The following SHANK2 variants were observed in gnomAD, a reference collection of about 807,000 sequenced individuals.
SHANK2 encodes SH3 and multiple ankyrin repeat domains 2, also known as SH3 and multiple ankyrin repeat domains protein 2.
In SHANK2, 43 loss-of-function variants were observed where a neutral mutation model predicts 133.7. The ratio of observed to expected loss-of-function variants is 0.32; its 90% CI spans 0.25 to 0.41. The LOEUF is 0.41. SHANK2 is among the 10% of genes least tolerant of loss of function. The pLI is 1.00. For missense variants in SHANK2, 1,994 were observed against 2,235.8 expected, an observed-to-expected ratio of 0.89 and a Z score of 2.18; for synonymous variants, 1,017 against 952.8, an observed-to-expected ratio of 1.07 and a Z score of -1.24.
At chr11:70,612,622 G>A (rs903224067) in intron 17 of SHANK2, among the ~76,000 whole-genome samples, 1 of 152,160 alleles carries the variant, frequency 6.6e-6, no homozygotes, top group Admixed American at 6.5e-5. Flanking sequence ...AACGCTCAAC[G>A]CTCCAGAAGC....
intron 15 of SHANK2, among the ~76,000 whole-genome samples, chr11:70,696,613 AGGT>A (rs1945397285): frequency 6.6e-6 from 1 of 152,200 alleles, no homozygotes. Flanking sequence ...TTGGGCTTCA[AGGT>A]CACAAAGTGG....
intron 2 of SHANK2, among the ~76,000 whole-genome samples, chr11:71,193,169 A>C (rs1229917856): frequency 6.6e-6 from 1 of 152,162 alleles, no homozygotes; most frequent in Non-Finnish European, 1.5e-5. Flanking sequence ...AATCATACTA[A>C]TAAATCAACT....
chr11:71,197,767 C>T (rs1555116432), intron 2 of SHANK2, among the ~76,000 whole-genome samples: 1 of 152,244 alleles, frequency 6.6e-6, no homozygotes, highest in Admixed American at 6.5e-5. Context: ...TCTCCTGTCT[C>T]AGCCTCCCAA....
chr11:71,084,817 T>C (rs2136016457), intron 8 of SHANK2, among the ~76,000 whole-genome samples: 1 of 152,276 alleles, frequency 6.6e-6, no homozygotes, highest in South Asian at 2.1e-4. Context: ...TCCGTGGCCT[T>C]GGGCAAGTTA....
At chr11:71,160,248 G>A (rs1952987387) in intron 2 of SHANK2, among the ~76,000 whole-genome samples, 2 of 152,106 alleles carry the variant, frequency 1.3e-5, no homozygotes, top group Non-Finnish European at 2.9e-5. Context: ...AGGCTCCTGG[G>A]GACTCTGTCA....
intron 1 of SHANK2, among the ~76,000 whole-genome samples, chr11:71,241,931 G>A (rs1954897809): frequency 1.3e-5 from 2 of 152,208 alleles, no homozygotes; most frequent in Admixed American, 6.5e-5. Flanking sequence ...CAAGATACTT[G>A]CACAACCATG....
intron 17 of SHANK2, among the ~76,000 whole-genome samples, chr11:70,564,217 A>G (rs1369042943): frequency 1.3e-5 from 2 of 151,436 alleles, no homozygotes; most frequent in Non-Finnish European, 2.9e-5. Context: ...TCAAATTTGG[A>G]AAAAGTTCCC....
In SHANK2 at chr11:70,501,940, A is replaced by G; in HGVS notation, c.2279-9T>C. 1 of 1,558,564 alleles carries G rather than the reference A, an allele frequency of 6.4e-7. No individual in the cohort carries two copies. The highest frequency in any genetic ancestry group is 1.2e-5 in the South Asian group (1 of 84,416). On this transcript the variant is annotated splice_polypyrimidine_tract_variant and intron_variant, in intron 19 of 25. Transcript: ENST00000601538. ...CTGCTTACCTTTATCCACTAGTGAG[A>G]GGCCCAAAAATTCAAAACAAAACAA...
intron 2 of SHANK2, among the ~76,000 whole-genome samples, chr11:71,198,421 A>C (rs961013712): frequency 6.6e-6 from 1 of 152,180 alleles, no homozygotes; most frequent in South Asian, 2.1e-4. Flanking sequence ...ATGGCTGAGG[A>C]AGGCTCATGC....
chr11:70,700,299 G>A lies in SHANK2; in HGVS notation c.1778-1536C>T, dbSNP rs567480074. 1.1e-4 allele frequency among the ~76,000 whole-genome samples: 16 copies of A among 152,192 alleles called. No homozygotes were observed. In the South Asian group the frequency reaches 3.3e-3, roughly 32 times the overall value. On this transcript the variant is annotated intron_variant, in intron 14 of 25. Coordinates refer to ENST00000601538, the MANE Select transcript of SHANK2 (RefSeq NM_012309.5). ...CAGGCCCTGCTATAAAGTGTTGCCC[G>A]AGTATTCAATAGTTTAACTGCCATG...
intron 17 of SHANK2, among the ~76,000 whole-genome samples, chr11:70,607,311 T>A (rs967340134): frequency 6.6e-6 from 1 of 152,078 alleles, no homozygotes; most frequent in South Asian, 2.1e-4. Context: ...CCGTGGAAGG[T>A]CAGAGGTGAC....
At chr11:70,879,129 C>T (rs189922598) in intron 11 of SHANK2, among the ~76,000 whole-genome samples, 93 of 152,288 alleles carry the variant, frequency 6.1e-4, no homozygotes, top group African/African-American at 2.1e-3. Context: ...CCTGGATCCA[C>T]GGAGAATTGG....
chr11:70,471,363 A>G lies in SHANK2; in HGVS notation c.*1506T>C, dbSNP rs1447010548. 3.0e-5 allele frequency: 12 copies of G among 398,848 alleles called. No individual in the cohort carries two copies. Among genetic ancestry groups the G allele is most frequent in the Non-Finnish European group, 5.3e-5 (12 of 226,060 alleles). 24.7% of individuals were successfully genotyped at this position (398,848 alleles called of 1,614,324 possible). The stretch of plus-strand genomic sequence containing the variant: ...AAACCTGACATTCGAGTATCCTCCA[A>G]ATGGGGGAGAATGTGCTGGAAGCCT... On this transcript the variant is annotated 3_prime_UTR_variant, in exon 26 of 26. Transcript: ENST00000601538. This position sits in a 1 kb window ranked among gnomAD's most constrained non-coding sequence, Gnocchi z 4.1.
At chr11:71,098,987 C>T (rs1416293606) in intron 6 of SHANK2, among the ~76,000 whole-genome samples, 1 of 152,100 alleles carries the variant, frequency 6.6e-6, no homozygotes, top group Admixed American at 6.5e-5. Context: ...CCAAGATGAG[C>T]CACACCAACA....
intron 17 of SHANK2, among the ~76,000 whole-genome samples, chr11:70,624,960 G>GC (rs1167517255): frequency 6.6e-6 from 1 of 152,194 alleles, no homozygotes; most frequent in Non-Finnish European, 1.5e-5. Flanking sequence ...TGAGAGAACA[G>GC]CCCCCACAAG....
intron 15 of SHANK2, among the ~76,000 whole-genome samples, chr11:70,663,886 T>C (rs901684376): frequency 6.6e-6 from 1 of 152,176 alleles, no homozygotes. Context: ...TAGAAAATGA[T>C]GGGGCTCTCT....
At chr11:70,635,937 C>T (rs1246639077) in intron 17 of SHANK2, among the ~76,000 whole-genome samples, 1 of 152,226 alleles carries the variant, frequency 6.6e-6, no homozygotes, top group Non-Finnish European at 1.5e-5. Context: ...GGGCATGAGG[C>T]CCGCCCCTTT....
At chr11:71,095,144 A>G (rs1026484011) in intron 6 of SHANK2, among the ~76,000 whole-genome samples, 1 of 152,268 alleles carries the variant, frequency 6.6e-6, no homozygotes, top group African/African-American at 2.4e-5. Flanking sequence ...CATGGGCTGC[A>G]GGGACACAAA....
chr11:70,538,695 T>A (rs1400458319), intron 17 of SHANK2, among the ~76,000 whole-genome samples: 1 of 152,202 alleles, frequency 6.6e-6, no homozygotes, highest in Non-Finnish European at 1.5e-5. Context: ...CCTGGGGCTC[T>A]GCCTGCTCCA....
Sources: gnomAD v4.1 joint callset for allele counts (sites outside exome capture counted in the v4.1 genomes callset) on GRCh38, gnomAD v4.1.1 for gene constraint, Gnocchi (gnomAD v3.1) non-coding constraint, MANE v1.5 for transcripts, NCBI Gene and HGNC (gene_info 2026-07-23, HGNC 2026-07-21) for gene names.